Variants in ARHGAP28 observed in about 807,000 individuals in gnomAD.
ARHGAP28 encodes the protein Rho GTPase activating protein 28.
ARHGAP28 carries 56 observed loss-of-function variants against 90.7 expected under a neutral mutation model. The observed-to-expected ratio is 0.62, with a 90% CI of 0.50 to 0.77. The LOEUF (loss-of-function observed/expected upper bound fraction) is 0.77. Ranked by LOEUF, ARHGAP28 falls within the 30% of genes least tolerant of loss-of-function variation. The probability of loss-of-function intolerance (pLI) is 0.00; values close to 1 mark genes in which losing one functional copy is unlikely to be tolerated. For missense variants in ARHGAP28, 869 were observed against 900.9 expected (o/e 0.96, Z 0.45); for synonymous variants, 308 against 323.3 (o/e 0.95, Z 0.51).
At chr18:6,790,230 A>G (rs1330229770) in intron 1 of ARHGAP28, 1 of 152,214 alleles carries the variant, frequency 6.6e-6, no homozygotes, top group East Asian at 1.9e-4. Flanking sequence ...AATTATTTTC[A>G]TAGGCTAGAT....
At chr18:6,856,536 G>T (rs1021677419) in intron 4 of ARHGAP28, among the ~76,000 whole-genome samples, 1 of 152,058 alleles carries the variant, frequency 6.6e-6, no homozygotes, top group Middle Eastern at 3.4e-3. Flanking sequence ...TAGAGACAGG[G>T]TCTCACTCTG....
intron 1 of ARHGAP28, among the ~76,000 whole-genome samples, chr18:6,821,773 C>T (rs1377468040): frequency 6.6e-6 from 1 of 152,132 alleles, no homozygotes; most frequent in Non-Finnish European, 1.5e-5. Flanking sequence ...CACATCTGTC[C>T]TCCCTGTCCC....
Position 6,729,762 on chromosome 18 carries a change from CGGTCCATGCT to C in ARHGAP28, c.-54_-45del, listed in dbSNP as rs1398574085. On this transcript the variant is annotated 5_prime_UTR_variant, in exon 1 of 18. It removes an upstream start codon present in the reference 5' UTR. Coordinates refer to ENST00000383472, the MANE Select transcript of ARHGAP28 (RefSeq NM_001366230.1). The stretch of plus-strand genomic sequence containing the variant: ...AGCTGCTGACAGCCTCCCGGCGCGC[CGGTCCATGCT>C]GGTCCCGGTCTTTGTTCTGGGGCCG... The C allele has an allele frequency of 2.6e-5, 34 of 1,294,626 alleles. No homozygotes were observed. Among genetic ancestry groups the C allele is most frequent in the Non-Finnish European group, 3.2e-5 (33 of 1,021,886 alleles). 80.2% of individuals were successfully genotyped at this position (1,294,626 alleles called of 1,614,324 possible).
intron 1 of ARHGAP28, among the ~76,000 whole-genome samples, chr18:6,824,312 G>C (rs1403691126): frequency 6.6e-6 from 1 of 152,158 alleles, no homozygotes; most frequent in Non-Finnish European, 1.5e-5. Flanking sequence ...GCTGAGGCAG[G>C]TGGATCACAA....
Position 6,753,528 on chromosome 18 carries a change from A to G in ARHGAP28, c.122+23585A>G, listed in dbSNP as rs372898535. Among the ~76,000 whole-genome samples, 9 of 152,364 alleles carry G rather than the reference A, an allele frequency of 5.9e-5. 2 individuals carry two copies. Among genetic ancestry groups the G allele is most frequent in the East Asian group, 3.9e-4 (2 of 5,190 alleles). On this transcript the variant is annotated intron_variant, in intron 1 of 17. Coordinates refer to ENST00000383472, the MANE Select transcript of ARHGAP28 (RefSeq NM_001366230.1). ...ATACAAGAAAGTTTCAGTTTATTCT[A>G]TAAATGCAGACCACACTTTGAAGAA...
intron 1 of ARHGAP28, among the ~76,000 whole-genome samples, chr18:6,815,435 G>A (rs990354896): frequency 6.6e-6 from 1 of 152,030 alleles, no homozygotes; most frequent in African/African-American, 2.4e-5. Context: ...AAAAATAAAA[G>A]CAGGGGTAAT....
At chr18:6,908,196 G>A (rs1213687144) in intron 16 of ARHGAP28, among the ~76,000 whole-genome samples, 1 of 151,878 alleles carries the variant, frequency 6.6e-6, no homozygotes, top group South Asian at 2.1e-4. Context: ...GGAGTGCAAT[G>A]GCACGATCTC....
At chr18:6,892,914 T>C (rs1339383392) in intron 14 of ARHGAP28, among the ~76,000 whole-genome samples, 1 of 152,254 alleles carries the variant, frequency 6.6e-6, no homozygotes, top group Non-Finnish European at 1.5e-5. Context: ...ACTTCCTGCT[T>C]GCACAGAACC....
chr18:6,807,608 C>G (rs1404646977), intron 1 of ARHGAP28, among the ~76,000 whole-genome samples: 1 of 152,192 alleles, frequency 6.6e-6, no homozygotes, highest in Non-Finnish European at 1.5e-5. Context: ...AACTTTTCCA[C>G]TTAAGCTGCT....
intron 3 of ARHGAP28, among the ~76,000 whole-genome samples, chr18:6,839,443 GC>G (rs1273603352): frequency 2.0e-5 from 3 of 152,126 alleles, no homozygotes; most frequent in African/African-American, 4.8e-5. Context: ...ATAGGCGCCA[GC>G]CACCACGCCT....
At chr18:6,752,960 T>C (rs111418315) in intron 1 of ARHGAP28, among the ~76,000 whole-genome samples, 2,613 of 151,912 alleles carry the variant, frequency 0.017, 61 homozygotes, top group African/African-American at 0.06. Flanking sequence ...CTTTTTTTTT[T>C]CTGTTGTTGC....
intron 10 of ARHGAP28, among the ~76,000 whole-genome samples, chr18:6,878,767 G>C (rs940285803): frequency 1.3e-5 from 2 of 152,122 alleles, no homozygotes; most frequent in African/African-American, 4.8e-5. Flanking sequence ...CCCTAGGAAG[G>C]CCAATGTGAA....
At chr18:6,815,658 A>G (rs10502351) in intron 1 of ARHGAP28, among the ~76,000 whole-genome samples, 38,619 of 151,956 alleles carry the variant, frequency 0.25, 6,669 homozygotes, top group African/African-American at 0.49. Context: ...ATTATATTTC[A>G]GTTTGTCATA....
chr18:6,795,286 C>T (rs2056433847), intron 1 of ARHGAP28, among the ~76,000 whole-genome samples: 2 of 151,968 alleles, frequency 1.3e-5, no homozygotes, highest in Non-Finnish European at 2.9e-5. Context: ...GGGGTCCCTG[C>T]GAGAAAGAAG....
At chr18:6,751,505 T>C (rs899528927) in intron 1 of ARHGAP28, among the ~76,000 whole-genome samples, 4 of 152,166 alleles carry the variant, frequency 2.6e-5, no homozygotes, top group Non-Finnish European at 5.9e-5. Context: ...CTTAGGATGA[T>C]TTAGAAGGGA....
chr18:6,900,010 C>G (rs145700682), intron 16 of ARHGAP28, among the ~76,000 whole-genome samples: 9 of 152,240 alleles, frequency 5.9e-5, no homozygotes, highest in Non-Finnish European at 4.4e-5. Flanking sequence ...CCTGCAGCAA[C>G]AAGGAAGTGT....
rs759161368 is a variant in ARHGAP28, at chr18:6,849,868, ACT to A, written c.544-1163_544-1162del. Among the ~76,000 whole-genome samples, 12 of 152,044 alleles carry A rather than the reference ACT, an allele frequency of 7.9e-5. No individual in the cohort carries two copies. The East Asian group carries it at 2.1e-3, about 27-fold the overall frequency. On this transcript the variant is annotated intron_variant, in intron 3 of 17. Transcript: ENST00000383472. ...AGCACTCAGCTTTTTGTTTCTGATAACTCTTGCTTTCCTTTGAATTCTGAACA... is the reference window on the plus strand; with the variant it reads ...AGCACTCAGCTTTTTGTTTCTGATAACTTGCTTTCCTTTGAATTCTGAACA...
chr18:6,837,020 A>T (rs2056758935), intron 2 of ARHGAP28, among the ~76,000 whole-genome samples, 177 bp from the exon 3 acceptor site: 1 of 152,198 alleles, frequency 6.6e-6, no homozygotes, highest in Admixed American at 6.5e-5. Flanking sequence ...ATACTTTAAA[A>T]TTTGACTTAT....
rs553838823 is a variant in ARHGAP28, at chr18:6,757,229, TA to T, written c.122+27288del. On this transcript the variant is annotated intron_variant, in intron 1 of 17. Transcript: ENST00000383472. ...TTGGAAACATGGAAACTGGTTAGTG[TA>T]ATAAGCCATTATTTCACATGGTGAA... is the stretch of plus-strand genomic sequence containing the variant. Among the ~76,000 whole-genome samples the T allele has an allele frequency of 2.1e-4, 32 of 152,304 alleles. No individual in the cohort carries two copies. In the East Asian group the frequency reaches 6.0e-3, roughly 28 times the overall value.
Sources: allele counts gnomAD v4.1 joint callset (sites outside exome capture counted in the v4.1 genomes callset), GRCh38; gene constraint gnomAD v4.1.1; transcripts MANE v1.5; gene names NCBI Gene and HGNC (gene_info 2026-07-23, HGNC 2026-07-21).